The following SWT1 variants were observed in gnomAD, a reference collection of about 807,000 sequenced individuals.
SWT1 encodes the protein SWT1 RNA endoribonuclease homolog, also known as transcriptional protein SWT1.
In SWT1, 33 loss-of-function variants were observed where a neutral mutation model predicts 107.3. The observed-to-expected ratio is 0.31, with a 90% confidence interval of 0.23 to 0.41. The LOEUF (loss-of-function observed/expected upper bound fraction) is 0.41. Among genes scored for constraint, SWT1 ranks in the 10% least tolerant of loss-of-function variants. SWT1 has a pLI of 1.00. For missense variants in SWT1, 898 were observed against 1,028.9 expected, an observed-to-expected ratio of 0.87 and a Z score of 1.74; for synonymous variants, 345 against 348.3, an observed-to-expected ratio of 0.99 and a Z score of 0.11.
At chr1:185,184,391 G>A in intron 8 of SWT1, 47 bp downstream of exon 8, 2 of 1,119,362 alleles carry the variant, frequency 1.8e-6, no homozygotes, top group Non-Finnish European at 2.6e-6. Flanking sequence ...TCCTTGAGTT[G>A]ATATTTTATA....
chr1:185,256,021 A>G (rs1662478747), intron 16 of SWT1, among the ~76,000 whole-genome samples: 1 of 151,520 alleles, frequency 6.6e-6, no homozygotes, highest in South Asian at 2.1e-4. Context: ...AAAGTATTTT[A>G]TTTCTCCTTC....
chr1:185,216,210 A>T (rs947935359), intron 14 of SWT1, among the ~76,000 whole-genome samples: 1 of 152,138 alleles, frequency 6.6e-6, no homozygotes, highest in Non-Finnish European at 1.5e-5. Flanking sequence ...GGGTGATATG[A>T]TCTTTTGGTT....
At chr1:185,275,320 G>A (rs1419529516) in intron 17 of SWT1, among the ~76,000 whole-genome samples, 3 of 151,668 alleles carry the variant, frequency 2.0e-5, no homozygotes, top group African/African-American at 7.3e-5. Flanking sequence ...ATGTAAAGAA[G>A]AAAGAAGTGG....
intron 4 of SWT1, chr1:185,171,822 C>A (rs1338271984): frequency 1.2e-5 from 4 of 340,020 alleles, no homozygotes; most frequent in Admixed American, 4.0e-5. Flanking sequence ...AGTGATCCTC[C>A]CACTTCAGCC....
intron 16 of SWT1, among the ~76,000 whole-genome samples, chr1:185,250,727 A>G (rs1661949035): frequency 6.6e-6 from 1 of 151,892 alleles, no homozygotes; most frequent in African/African-American, 2.4e-5. Context: ...CAGTGGTGCA[A>G]TCTTGGCTCA....
At chr1:185,210,823 A>T (rs1218945898) in intron 13 of SWT1, among the ~76,000 whole-genome samples, 2 of 152,212 alleles carry the variant, frequency 1.3e-5, no homozygotes, top group Non-Finnish European at 2.9e-5. Context: ...AATCTCCTTA[A>T]GCTGATAAGC....
chr1:185,174,377 G>C lies in SWT1; in HGVS notation c.230G>C (p.Ser77Thr), dbSNP rs1655355061. ...IKRRQGLKRL[S>T]VEIDTLRRRP... is the part of the protein sequence containing the mutation. ...GTTTCTGTGCTGTTTTACAGATTGA[G>C]TGTAGAAATTGACACTCTCAGAAGG... Residue 77 changes from serine (S) to threonine (T), a missense_variant, in exon 5 of 19, where the codon AGT becomes ACT. Ser to Thr is a moderately conservative substitution (Grantham distance 58). Coordinates refer to ENST00000367500, the MANE Select transcript of SWT1 (RefSeq NM_017673.7). The C allele has an allele frequency of 4.5e-6, 7 of 1,543,212 alleles. No homozygotes were observed. The highest frequency in any genetic ancestry group is 3.5e-6 in the Non-Finnish European group (4 of 1,152,710).
chr1:185,205,492 C>G (rs568489682), intron 12 of SWT1, among the ~76,000 whole-genome samples: 30 of 152,280 alleles, frequency 2.0e-4, no homozygotes, highest in African/African-American at 2.4e-4. Flanking sequence ...CCTCAGCCCC[C>G]CAAGCAGCTG....
chr1:185,244,392 G>A (rs75664812), intron 16 of SWT1, among the ~76,000 whole-genome samples: 8,623 of 152,212 alleles, frequency 0.057, 585 homozygotes, highest in African/African-American at 0.16. Flanking sequence ...GCATGCTACT[G>A]TACATACTAC....
Position 185,257,039 on chromosome 1 carries a change from C to T in SWT1, c.2442-14284C>T, listed in dbSNP as rs548318867. Among the ~76,000 whole-genome samples, 887 of 151,902 alleles carry T rather than the reference C, an allele frequency of 5.8e-3. 4 individuals carry two copies. The highest frequency in any genetic ancestry group is 0.016 in the South Asian group (76 of 4,806). On this transcript the variant is annotated intron_variant, in intron 16 of 18. Coordinates refer to ENST00000367500, the MANE Select transcript of SWT1 (RefSeq NM_017673.7). ...CTTCAGGTGTGTTGGAATACCCTGC[C>T]GTGTGAGGTGTCAGTGTGCCCCTGC...
chr1:185,253,206 T>C (rs1255083252), intron 16 of SWT1, among the ~76,000 whole-genome samples: 2 of 150,750 alleles, frequency 1.3e-5, no homozygotes, highest in African/African-American at 4.9e-5. Context: ...TAGTTTGAAG[T>C]CAGGTAGCGT....
chr1:185,163,384 C>A (rs775043238), intron 2 of SWT1, among the ~76,000 whole-genome samples: 2 of 151,608 alleles, frequency 1.3e-5, no homozygotes, highest in Non-Finnish European at 2.9e-5. Flanking sequence ...AACTCCTAAT[C>A]CATGAAAGCT....
At chr1:185,273,962 A>T (rs980349448) in intron 17 of SWT1, among the ~76,000 whole-genome samples, 10 of 152,110 alleles carry the variant, frequency 6.6e-5, no homozygotes, top group Non-Finnish European at 1.3e-4. Context: ...CCATGATCAT[A>T]GCACTGCACT....
At chr1:185,252,864 A>G (rs1231305390) in intron 16 of SWT1, among the ~76,000 whole-genome samples, 3 of 148,950 alleles carry the variant, frequency 2.0e-5, no homozygotes, top group Admixed American at 1.3e-4. Context: ...GCCCATGCCT[A>G]TGTCCTGAAT....
chr1:185,165,217 TATA>T (rs1344182824), intron 2 of SWT1, among the ~76,000 whole-genome samples: 3 of 152,144 alleles, frequency 2.0e-5, no homozygotes, highest in Non-Finnish European at 4.4e-5. Flanking sequence ...CCAAAGCAAC[TATA>T]ATAATAACAT....
intron 4 of SWT1, among the ~76,000 whole-genome samples, chr1:185,170,039 A>T (rs1654914380): frequency 6.6e-6 from 1 of 152,192 alleles, no homozygotes; most frequent in Non-Finnish European, 1.5e-5. Context: ...AGCCGTTACC[A>T]TAAGTGAAAT....
intron 17 of SWT1, among the ~76,000 whole-genome samples, chr1:185,273,099 C>T (rs574613990): frequency 6.6e-6 from 1 of 151,862 alleles, no homozygotes; most frequent in Admixed American, 6.6e-5. Flanking sequence ...TTTATATGGG[C>T]TTTTTAAGAG....
At chr1:185,184,573 A>T (rs1442382253) in intron 8 of SWT1, among the ~76,000 whole-genome samples, 170 bp from the exon 9 acceptor site, 1 of 152,046 alleles carries the variant, frequency 6.6e-6, no homozygotes, top group African/African-American at 2.4e-5. Context: ...TTCTTTTGAC[A>T]CGTTATTTTC....
Position 185,206,726 on chromosome 1 carries a change from T to C in SWT1, c.1935T>C (p.Leu645=), listed in dbSNP as rs147969027. ...VFGLVMEKNL[L]LTIESLYKNL... ...GATTAGTTATGGAAAAGAACTTGCT[T>C]TTAACTATTGAGAGCCTATACAAAA... is the stretch of plus-strand genomic sequence containing the variant. Residue 645 remains leucine (L), a synonymous_variant, in exon 13 of 19, where the codon CTT becomes CTC. Coordinates refer to ENST00000367500, the MANE Select transcript of SWT1 (RefSeq NM_017673.7). 24 of 1,607,430 alleles carry C rather than the reference T, an allele frequency of 1.5e-5. No homozygotes were observed. In the African/African-American group the frequency reaches 2.5e-4, roughly 17 times the overall value.
Sources: allele counts gnomAD v4.1 joint callset (sites outside exome capture counted in the v4.1 genomes callset), GRCh38; gene constraint gnomAD v4.1.1; transcripts MANE v1.5; gene names NCBI Gene and HGNC (gene_info 2026-07-23, HGNC 2026-07-21).